The following SDHC variants were observed in gnomAD, a reference collection of about 807,000 sequenced individuals.
SDHC encodes succinate dehydrogenase complex subunit C, also known as succinate dehydrogenase cytochrome b560 subunit, mitochondrial.
SDHC carries 11 observed loss-of-function variants against 22.6 expected under a neutral mutation model. The ratio of observed to expected loss-of-function variants is 0.49; its 90% CI spans 0.31 to 0.81. SDHC has a LOEUF of 0.81. Ranked by LOEUF, SDHC falls within the 30% of genes least tolerant of loss-of-function variation. The pLI is 0.05. For synonymous variants in SDHC, 80 were observed against 77.8 expected (o/e 1.03, Z -0.15); for missense variants, 160 against 212.0 (o/e 0.75, Z 1.52).
chr1:161,336,145 A>C (rs985193227), intron 3 of SDHC, among the ~76,000 whole-genome samples: 4 of 152,146 alleles, frequency 2.6e-5, no homozygotes, highest in Non-Finnish European at 5.9e-5. Context: ...CAATCGTGAA[A>C]CTTTCTTTTT....
chr1:161,340,668 G>A lies in SDHC; in HGVS notation c.241+13G>A. On this transcript the variant is annotated intron_variant, in intron 4 of 5. Coordinates refer to ENST00000367975, the MANE Select transcript of SDHC (RefSeq NM_003001.5). The stretch of plus-strand genomic sequence containing the variant: ...GCTTTGAGTGCAGGTATGTATATGT[G>A]TTTTTACACACACATATGTGCTTCT... 1.9e-6 allele frequency: 3 copies of A among 1,609,920 alleles called. No individual in the cohort carries two copies. Among genetic ancestry groups the A allele is most frequent in the Non-Finnish European group, 1.7e-6 (2 of 1,176,282 alleles).
In SDHC at chr1:161,331,129, T is replaced by C. The variant is rs139061892; in HGVS notation, c.179+2632T>C. Among the ~76,000 whole-genome samples, 767 of 152,210 alleles carry C rather than the reference T, an allele frequency of 5.0e-3. 17 individuals are homozygous for C. In the South Asian group the frequency reaches 0.055, roughly 11 times the overall value. ...CCTCTGTTTCTGCCTTCTGATGAGA[T>C]GGTTGAGGGGATCTACTAGTAACAT... On this transcript the variant is annotated intron_variant, in intron 3 of 5. Coordinates refer to ENST00000367975, the MANE Select transcript of SDHC (RefSeq NM_003001.5).
intron 4 of SDHC, among the ~76,000 whole-genome samples, chr1:161,352,135 G>A (rs577857343): frequency 3.9e-5 from 6 of 152,342 alleles, no homozygotes; most frequent in African/African-American, 1.4e-4. Flanking sequence ...GAGGCACTCA[G>A]ATTCTAGGAG....
At chr1:161,340,691 T>G (rs1671690356) in intron 4 of SDHC, 36 bp downstream of exon 4, 12 of 1,586,748 alleles carry the variant, frequency 7.6e-6, no homozygotes, top group African/African-American at 1.3e-5. Context: ...CATATGTGCT[T>G]CTTTGAAAAA....
chr1:161,314,560 G>T, intron 1 of SDHC, 135 bp downstream of exon 1: 2 of 1,066,856 alleles, frequency 1.9e-6, no homozygotes, highest in Non-Finnish European at 1.4e-6. Context: ...CCAAGCGCTC[G>T]GGGATCCTAG....
intron 2 of SDHC, among the ~76,000 whole-genome samples, chr1:161,327,871 A>ATTTTAT (rs903294056): frequency 2.0e-5 from 3 of 151,462 alleles, no homozygotes; most frequent in East Asian, 1.9e-4. Context: ...CTATTATTTT[A>ATTTTAT]TTTTATTTTT....
intron 4 of SDHC, among the ~76,000 whole-genome samples, chr1:161,351,672 C>T (rs1672099805): frequency 6.6e-6 from 1 of 152,158 alleles, no homozygotes; most frequent in Admixed American, 6.5e-5. Context: ...AAATGCTTCT[C>T]AGAAATGCTT....
At chr1:161,330,816 A>G (rs1166866650) in intron 3 of SDHC, among the ~76,000 whole-genome samples, 1 of 152,086 alleles carries the variant, frequency 6.6e-6, no homozygotes, top group African/African-American at 2.4e-5. Flanking sequence ...ATTGGGCAAC[A>G]TGGTGAAACC....
At chr1:161,318,390 GT>G (rs1335275910) in intron 1 of SDHC, among the ~76,000 whole-genome samples, 1 of 152,154 alleles carries the variant, frequency 6.6e-6, no homozygotes, top group Admixed American at 6.5e-5. Context: ...TCTCTAAACA[GT>G]TCAGGGACCA....
At chr1:161,342,610 G>A (rs1671761141) in intron 4 of SDHC, among the ~76,000 whole-genome samples, 1 of 151,668 alleles carries the variant, frequency 6.6e-6, no homozygotes, top group Non-Finnish European at 1.5e-5. Flanking sequence ...CCAGCCTCCT[G>A]GGTTCAAGCT....
intron 3 of SDHC, 128 bp downstream of exon 3, chr1:161,328,625 AC>A: frequency 1.4e-6 from 1 of 721,030 alleles, no homozygotes; most frequent in Non-Finnish European, 2.5e-6. Context: ...GATGAGGTGA[AC>A]CCTTCAGGGT....
chr1:161,361,742 C>T (rs1363911143), intron 5 of SDHC, among the ~76,000 whole-genome samples: 3 of 148,452 alleles, frequency 2.0e-5, no homozygotes, highest in African/African-American at 7.5e-5. Flanking sequence ...ACTTGGGAGG[C>T]TGAGGCAAGA....
chr1:161,339,663 T>G (rs1427982885), intron 3 of SDHC: 2 of 73,992 alleles, frequency 2.7e-5, no homozygotes, highest in Admixed American at 2.8e-4. Flanking sequence ...GATACAGGTG[T>G]TTTTTTTTTT....
chr1:161,358,651 G>A (rs559689778), intron 5 of SDHC, among the ~76,000 whole-genome samples: 1 of 151,546 alleles, frequency 6.6e-6, no homozygotes, highest in African/African-American at 2.4e-5. Flanking sequence ...AAATAGGCGG[G>A]CACAGTGGTT....
chr1:161,355,207 G>A (rs1416532104), intron 4 of SDHC, among the ~76,000 whole-genome samples: 2 of 152,228 alleles, frequency 1.3e-5, no homozygotes, highest in East Asian at 3.9e-4. Context: ...TTATGGTTTT[G>A]ATTTGCATTT....
At chr1:161,333,326 G>C (rs1267739290) in intron 3 of SDHC, among the ~76,000 whole-genome samples, 1 of 151,304 alleles carries the variant, frequency 6.6e-6, no homozygotes, top group Non-Finnish European at 1.5e-5. Context: ...GTTTTTGTGT[G>C]CACATATGTT....
intron 1 of SDHC, among the ~76,000 whole-genome samples, chr1:161,319,987 G>A (rs1044471419): frequency 6.6e-6 from 1 of 152,110 alleles, no homozygotes; most frequent in Admixed American, 6.6e-5. Flanking sequence ...TGTAAGCAGC[G>A]GGAAATTGTT....
At chr1:161,361,438 G>C (rs909455173) in intron 5 of SDHC, among the ~76,000 whole-genome samples, 1 of 152,014 alleles carries the variant, frequency 6.6e-6, no homozygotes, top group Non-Finnish European at 1.5e-5. Flanking sequence ...TAGAATACTA[G>C]TCCTCTGATA....
intron 4 of SDHC, among the ~76,000 whole-genome samples, chr1:161,356,120 G>A (rs1672259056): frequency 6.6e-6 from 1 of 152,102 alleles, no homozygotes; most frequent in Non-Finnish European, 1.5e-5. Flanking sequence ...ACTGGCAAGT[G>A]AAGTTTTTAT....
Sources: allele counts gnomAD v4.1 joint callset (sites outside exome capture counted in the v4.1 genomes callset), GRCh38; gene constraint gnomAD v4.1.1; transcripts MANE v1.5; gene names NCBI Gene and HGNC (gene_info 2026-07-23, HGNC 2026-07-21).